CUX2: variants seen among roughly 807,000 people sequenced by gnomAD.
CUX2 encodes the protein homeobox protein cut-like 2.
In CUX2, 40 loss-of-function variants were observed where a neutral mutation model predicts 144.8. The observed-to-expected ratio is 0.28, with a 90% CI of 0.21 to 0.36. The LOEUF (loss-of-function observed/expected upper bound fraction) is 0.36. Ranked by LOEUF, CUX2 falls within the 10% of genes least tolerant of loss-of-function variation. The pLI is 1.00. For synonymous variants in CUX2, 827 were observed against 875.6 expected (o/e 0.94, Z 0.98); for missense variants, 1,615 against 1,994.0 (o/e 0.81, Z 3.62).
intron 18 of CUX2, among the ~76,000 whole-genome samples, chr12:111,326,563 G>A (rs147395215): frequency 7.2e-5 from 11 of 151,904 alleles, no homozygotes; most frequent in African/African-American, 9.7e-5. Context: ...GAGCCACTGC[G>A]CCTGGTCTGT....
Position 111,263,251 on chromosome 12 carries a change from C to A in CUX2, c.223-510C>A, listed in dbSNP as rs1023480033. 1.3e-5 allele frequency among the ~76,000 whole-genome samples: 2 copies of A among 152,140 alleles called. No homozygotes were observed. The highest frequency in any genetic ancestry group is 4.8e-5 in the African/African-American group (2 of 41,422). Reference sequence around the variant, plus strand: ...TTGGGAGGCCGAGGCAGGGGAATCGCAGGAGGTCGAGACAAGCCTGGGCAA... The same window carrying A: ...TTGGGAGGCCGAGGCAGGGGAATCGAAGGAGGTCGAGACAAGCCTGGGCAA... On this transcript the variant is annotated intron_variant, in intron 3 of 21. Transcript: ENST00000261726. This position sits in a 1 kb window ranked among gnomAD's most constrained non-coding sequence, Gnocchi z 4.0.
intron 3 of CUX2, among the ~76,000 whole-genome samples, chr12:111,218,420 GTGGGAGGGC>G (rs1252165809): frequency 6.6e-6 from 1 of 152,126 alleles, no homozygotes; most frequent in Non-Finnish European, 1.5e-5. Flanking sequence ...GGAGGCTAAG[GTGGGAGGGC>G]TGCTTAAACC....
chr12:111,087,930 C>T (rs1872332024), intron 1 of CUX2, among the ~76,000 whole-genome samples: 1 of 152,146 alleles, frequency 6.6e-6, no homozygotes, highest in South Asian at 2.1e-4. Flanking sequence ...AGTGGTTCAA[C>T]TGTGGCACCC....
chr12:111,301,719 G>A (rs754248071), intron 9 of CUX2, among the ~76,000 whole-genome samples: 66 of 152,286 alleles, frequency 4.3e-4, no homozygotes, highest in South Asian at 1.0e-3. Flanking sequence ...GCCCAAGCTG[G>A]TCTCAAACTC....
At chr12:111,158,801 C>T (rs537667453) in intron 1 of CUX2, among the ~76,000 whole-genome samples, 17 of 152,228 alleles carry the variant, frequency 1.1e-4, no homozygotes, top group African/African-American at 4.1e-4. Context: ...TGATTTTTGG[C>T]CCGGTCAGCC....
rs57009074 is a variant in CUX2, at chr12:111,336,424, T to TTGTGTGTGTGTGTG, written c.3196+1736_3196+1749dup. On this transcript the variant is annotated intron_variant, in intron 19 of 21. Coordinates refer to ENST00000261726, the MANE Select transcript of CUX2 (RefSeq NM_015267.4). Reference sequence around the variant, plus strand: ...CATTGGCCTCTCAGACACTTCAGTGTTGTGTGTGTGTGTGTGTGTGTGTGT... The same window carrying TTGTGTGTGTGTGTG: ...CATTGGCCTCTCAGACACTTCAGTGTTGTGTGTGTGTGTGTGTGTGTGTGTGTGTGTGTGTGTGT... Among the ~76,000 whole-genome samples the TTGTGTGTGTGTGTG allele has an allele frequency of 1.6e-3, 228 of 146,128 alleles. 1 individual carries two copies. The highest frequency in any genetic ancestry group is 5.0e-3 in the African/African-American group (200 of 39,802).
At chr12:111,338,534 A>G (rs1888451836) in intron 20 of CUX2, 60 bp downstream of exon 20, 2 of 1,507,808 alleles carry the variant, frequency 1.3e-6, no homozygotes, top group South Asian at 1.3e-5. Context: ...CCAGAACCAT[A>G]TCTAGCTGTA....
intron 1 of CUX2, among the ~76,000 whole-genome samples, chr12:111,149,964 T>C (rs1013793882): frequency 6.6e-6 from 1 of 152,192 alleles, no homozygotes; most frequent in African/African-American, 2.4e-5. Flanking sequence ...AATTGTAGCC[T>C]TTTAGTTAAA....
intron 1 of CUX2, among the ~76,000 whole-genome samples, chr12:111,187,254 G>A (rs111674040): frequency 0.011 from 1,611 of 152,238 alleles, 38 homozygotes; most frequent in African/African-American, 0.037. Context: ...CAGTGACGCC[G>A]GCATCAGGAC....
At chr12:111,054,174 A>C (rs2136014647) in intron 1 of CUX2, among the ~76,000 whole-genome samples, 1 of 152,176 alleles carries the variant, frequency 6.6e-6, no homozygotes, top group South Asian at 2.1e-4. Context: ...CAAAAACAAA[A>C]ACAAAAAACA....
chr12:111,096,429 G>A (rs1298401366), intron 1 of CUX2, among the ~76,000 whole-genome samples: 1 of 152,176 alleles, frequency 6.6e-6, no homozygotes, highest in East Asian at 1.9e-4. Flanking sequence ...GGGAGGCGGG[G>A]CCCTTTGCTG....
intron 19 of CUX2, among the ~76,000 whole-genome samples, chr12:111,337,610 G>A (rs1235861907): frequency 2.0e-5 from 3 of 152,168 alleles, no homozygotes; most frequent in South Asian, 2.1e-4. Flanking sequence ...TGCTTGCTCC[G>A]AAGCTGTGCA....
chr12:111,248,420 C>A (rs1352168066), intron 3 of CUX2, among the ~76,000 whole-genome samples: 1 of 152,210 alleles, frequency 6.6e-6, no homozygotes, highest in East Asian at 1.9e-4. Flanking sequence ...AGAAGGGCCT[C>A]TTCTGTGTGC....
At chr12:111,314,668 A>AAAAAAAAC (rs1887097933) in intron 16 of CUX2, among the ~76,000 whole-genome samples, 1 of 72,014 alleles carries the variant, frequency 1.4e-5, no homozygotes, top group South Asian at 6.1e-4. Context: ...AAAAAAAAAA[A>AAAAAAAAC]CCCCATCTCC....
intron 3 of CUX2, among the ~76,000 whole-genome samples, chr12:111,238,688 G>A (rs768376192): frequency 2.0e-5 from 3 of 151,782 alleles, no homozygotes; most frequent in African/African-American, 4.9e-5. Flanking sequence ...ACATAACCTA[G>A]TTTTTATGTA....
chr12:111,288,318 T>C (rs1347648623), intron 4 of CUX2, among the ~76,000 whole-genome samples: 1 of 152,138 alleles, frequency 6.6e-6, no homozygotes, highest in African/African-American at 2.4e-5. Flanking sequence ...TGGTGCCATG[T>C]GGAGCATTTT....
intron 1 of CUX2, among the ~76,000 whole-genome samples, chr12:111,104,287 A>G (rs1341184315): frequency 2.0e-5 from 3 of 152,204 alleles, no homozygotes; most frequent in Non-Finnish European, 4.4e-5. Flanking sequence ...TAGTATAAAA[A>G]ACAGGATCCG....
chr12:111,150,449 A>C (rs1203216094), intron 1 of CUX2, among the ~76,000 whole-genome samples: 1 of 152,222 alleles, frequency 6.6e-6, no homozygotes, highest in Non-Finnish European at 1.5e-5. Flanking sequence ...ATCCTTGTTC[A>C]GCTGTGTGTG....
At chr12:111,045,112 G>A (rs958759605) in intron 1 of CUX2, among the ~76,000 whole-genome samples, 8 of 152,196 alleles carry the variant, frequency 5.3e-5, no homozygotes, top group Non-Finnish European at 1.0e-4. Context: ...GGACCCGGCT[G>A]ACATTCCTGA....
Sources: allele counts gnomAD v4.1 joint callset (sites outside exome capture counted in the v4.1 genomes callset), GRCh38; gene constraint gnomAD v4.1.1; non-coding constraint Gnocchi (gnomAD v3.1); transcripts MANE v1.5; gene names NCBI Gene and HGNC (gene_info 2026-07-23, HGNC 2026-07-21).